Variants in PFKFB4 observed in about 807,000 individuals in gnomAD.
The protein encoded by PFKFB4 is 6-phosphofructo-2-kinase/fructose-2,6-bisphosphatase 4.
A neutral mutation model predicts 62.8 loss-of-function variants in PFKFB4; 42 were observed. The observed-to-expected ratio is 0.67, with a 90% CI of 0.52 to 0.86. The LOEUF (loss-of-function observed/expected upper bound fraction) is 0.86, where lower values mean the gene tolerates loss of function less well. Among genes scored for constraint, PFKFB4 ranks in the 40% least tolerant of loss-of-function variants. The probability of loss-of-function intolerance (pLI) is 0.00; values close to 1 mark genes in which losing one functional copy is unlikely to be tolerated. For synonymous variants in PFKFB4, 204 were observed against 240.7 expected, an observed-to-expected ratio of 0.85 and a Z score of 1.41; for missense variants, 475 against 627.2, an observed-to-expected ratio of 0.76 and a Z score of 2.59.
chr3:48,541,418 C>T (rs565568549), intron 4 of PFKFB4, among the ~76,000 whole-genome samples: 7 of 152,118 alleles, frequency 4.6e-5, no homozygotes, highest in Non-Finnish European at 7.4e-5. Flanking sequence ...TGTGAGCCAC[C>T]GCACCTGGCC....
intron 3 of PFKFB4, among the ~76,000 whole-genome samples, chr3:48,546,549 G>A (rs182329356): frequency 2.0e-5 from 3 of 152,286 alleles, no homozygotes; most frequent in South Asian, 2.1e-4. Flanking sequence ...TGTGTAGTGG[G>A]TGACTGCATG....
Position 48,535,606 on chromosome 3 carries a change from T to A in PFKFB4, c.893A>T (p.Lys298Met). The A allele has an allele frequency of 6.2e-7, 1 of 1,614,058 alleles. No homozygotes were observed. The highest frequency in any genetic ancestry group is 2.2e-5 in the East Asian group (1 of 44,888). Residue 298 changes from lysine (K) to methionine (M), a missense_variant, in exon 9 of 14, where the codon AAG (lysine) becomes ATG (methionine). By Grantham distance (95) the Lys-to-Met change is moderately conservative. Transcript: ENST00000232375. ...FISDQNIKDL[K>M]VWTSQMKRTI... ...CCTCTTCATCTGGCTTGTCCAGACC[T>A]TCAGATCCTTGATATTTTGGTCACT...
intron 4 of PFKFB4, among the ~76,000 whole-genome samples, 188 bp from the exon 5 acceptor site, chr3:48,539,959 C>T (rs1456896961): frequency 1.3e-5 from 2 of 152,172 alleles, no homozygotes; most frequent in Non-Finnish European, 2.9e-5. Context: ...TGGGCTGGCC[C>T]TCCCCTTCCT....
upstream of PFKFB4, chr3:48,559,435 A>T (rs2043397488): frequency 4.5e-6 from 2 of 448,598 alleles, no homozygotes; most frequent in Non-Finnish European, 9.0e-6. Flanking sequence ...TGCAGCATGG[A>T]CTCAGCTCAA....
intron 3 of PFKFB4, among the ~76,000 whole-genome samples, chr3:48,548,989 T>A (rs1206715761): frequency 1.3e-5 from 2 of 152,036 alleles, no homozygotes; most frequent in Non-Finnish European, 2.9e-5. Context: ...CTGGGCTTGA[T>A]TTGGGGAAGT....
At chr3:48,541,811 C>T (rs980705204) in intron 4 of PFKFB4, among the ~76,000 whole-genome samples, 1 of 151,980 alleles carries the variant, frequency 6.6e-6, no homozygotes, top group Non-Finnish European at 1.5e-5. Flanking sequence ...GTGAAAAATA[C>T]AAGAATTAGC....
intron 9 of PFKFB4, among the ~76,000 whole-genome samples, chr3:48,526,566 C>G (rs960270282): frequency 2.1e-5 from 3 of 142,670 alleles, no homozygotes; most frequent in Non-Finnish European, 3.0e-5. Flanking sequence ...GAATGAGACT[C>G]TGTCTCAAAA....
chr3:48,522,466 G>A (rs1462208807), intron 12 of PFKFB4, among the ~76,000 whole-genome samples: 1 of 152,222 alleles, frequency 6.6e-6, no homozygotes, highest in African/African-American at 2.4e-5. Context: ...TCACACACTG[G>A]AGTGACATCA....
intron 9 of PFKFB4, among the ~76,000 whole-genome samples, chr3:48,528,813 T>G (rs971658453): frequency 1.3e-5 from 2 of 152,146 alleles, no homozygotes; most frequent in Non-Finnish European, 2.9e-5. Flanking sequence ...TATTTGGCAA[T>G]GTAAAGGAAT....
intron 3 of PFKFB4, among the ~76,000 whole-genome samples, chr3:48,549,260 G>A (rs956755784): frequency 1.3e-5 from 2 of 152,144 alleles, no homozygotes; most frequent in African/African-American, 4.8e-5. Context: ...AAGTGTGAAC[G>A]ACTCACCCAG....
intron 9 of PFKFB4, among the ~76,000 whole-genome samples, chr3:48,526,273 A>G (rs2042256120): frequency 6.7e-6 from 1 of 150,144 alleles, no homozygotes; most frequent in Admixed American, 6.7e-5. Context: ...AAGAAAAAAA[A>G]AGAAAAGTTG....
At chr3:48,559,379 G>A (rs564353927), upstream of PFKFB4, 6 of 383,554 alleles carry the variant, frequency 1.6e-5, no homozygotes, top group African/African-American at 1.0e-4. Flanking sequence ...GAAACTGAGG[G>A]TCAGGAAGAG....
intron 1 of PFKFB4, among the ~76,000 whole-genome samples, chr3:48,552,495 A>G (rs1388195568): frequency 6.6e-6 from 1 of 152,264 alleles, no homozygotes; most frequent in Non-Finnish European, 1.5e-5. Flanking sequence ...AGAAACTTGC[A>G]GAGAACTCTC....
At chr3:48,522,118 T>TGAGC in intron 12 of PFKFB4, 68 bp from the exon 13 acceptor site, 1 of 1,433,612 alleles carries the variant, frequency 7.0e-7, no homozygotes, top group Non-Finnish European at 9.8e-7. Flanking sequence ...TGCTAGAAAC[T>TGAGC]TCTCTTGGAG....
chr3:48,559,677 T>C, upstream of PFKFB4: 1 of 449,830 alleles, frequency 2.2e-6, no homozygotes, highest in Non-Finnish European at 4.5e-6. Context: ...TATGCTGGGA[T>C]GTCTGTACAC....
intron 4 of PFKFB4, among the ~76,000 whole-genome samples, chr3:48,540,974 A>T (rs1575383870): frequency 6.6e-6 from 1 of 151,522 alleles, no homozygotes; most frequent in South Asian, 2.1e-4. Context: ...ACGAGGTTTC[A>T]CCATGTTGGG....
intron 7 of PFKFB4, chr3:48,536,734 G>A (rs1161552540): frequency 4.3e-6 from 2 of 461,364 alleles, no homozygotes; most frequent in Non-Finnish European, 7.9e-6. Flanking sequence ...AAAGTGGGGG[G>A]TCCGCCATAC....
At chr3:48,558,189 C>T (rs1447486276), upstream of PFKFB4, among the ~76,000 whole-genome samples, 1 of 152,178 alleles carries the variant, frequency 6.6e-6, no homozygotes, top group African/African-American at 2.4e-5. Flanking sequence ...TCCAGAAGTT[C>T]CTAAACCCCT....
At position 48,556,343 on chromosome 3, in the gene PFKFB4, C is replaced by A; in HGVS notation, c.97+338G>T. 1 of 528,398 alleles carries A rather than the reference C, an allele frequency of 1.9e-6. No individual in the cohort carries two copies. The highest frequency in any genetic ancestry group is 3.6e-6 in the Non-Finnish European group (1 of 279,130). 32.7% of individuals were successfully genotyped at this position (528,398 alleles called of 1,614,324 possible). On this transcript the variant is annotated intron_variant, in intron 1 of 13. Coordinates refer to ENST00000232375, the MANE Select transcript of PFKFB4 (RefSeq NM_004567.4). The surrounding 1 kb of genome is among the most constrained non-coding windows in gnomAD (Gnocchi z 5.7). Reference sequence around the variant, plus strand: ...GAGAGAGGGAAGGGCCTGGGGTGCCCACAGGGTCCTCCCCAGACTGGGGGC... The same window carrying A: ...GAGAGAGGGAAGGGCCTGGGGTGCCAACAGGGTCCTCCCCAGACTGGGGGC...
Sources: allele counts gnomAD v4.1 joint callset (sites outside exome capture counted in the v4.1 genomes callset), GRCh38; gene constraint gnomAD v4.1.1; non-coding constraint Gnocchi (gnomAD v3.1); transcripts MANE v1.5; gene names NCBI Gene and HGNC (gene_info 2026-07-23, HGNC 2026-07-21).